Variants in PCDH15 observed in about 807,000 individuals in gnomAD.
PCDH15 encodes the protein protocadherin related 15, also known as protocadherin-15.
A neutral mutation model predicts 178.5 loss-of-function variants in PCDH15; 129 were observed. The ratio of observed to expected loss-of-function variants is 0.72; its 90% CI spans 0.63 to 0.84. The LOEUF is 0.84. PCDH15 is among the 40% of genes least tolerant of loss of function. PCDH15 has a pLI of 0.00. For missense variants in PCDH15, 2,230 were observed against 2,099.9 expected, an observed-to-expected ratio of 1.06 and a Z score of -1.21; for synonymous variants, 800 against 732.0, an observed-to-expected ratio of 1.09 and a Z score of -1.50.
At chr10:54,103,520 G>A (rs2094850829) in intron 15 of PCDH15, among the ~76,000 whole-genome samples, 1 of 152,278 alleles carries the variant, frequency 6.6e-6, no homozygotes, top group African/African-American at 2.4e-5. Context: ...AGATGCAGGT[G>A]CTGCCCTCAT....
At chr10:53,916,214 G>GT (rs1259949785) in intron 25 of PCDH15, among the ~76,000 whole-genome samples, 1 of 152,062 alleles carries the variant, frequency 6.6e-6, no homozygotes, top group Non-Finnish European at 1.5e-5. Context: ...TCCATCTCTG[G>GT]TTGTCTGGAT....
chr10:55,608,718 A>T (rs567822021), intron 2 of PCDH15, among the ~76,000 whole-genome samples: 1 of 152,016 alleles, frequency 6.6e-6, no homozygotes, highest in African/African-American at 2.4e-5. Flanking sequence ...TCCCTGATCG[A>T]CTAAAACTGA....
At chr10:53,834,130 T>C (rs988329251) in intron 29 of PCDH15, among the ~76,000 whole-genome samples, 1 of 152,046 alleles carries the variant, frequency 6.6e-6, no homozygotes, top group Non-Finnish European at 1.5e-5. Context: ...CAGAAGAGGG[T>C]TGACTGCTAT....
intron 1 of PCDH15, among the ~76,000 whole-genome samples, chr10:54,678,879 T>C (rs933654460): frequency 7.2e-5 from 11 of 152,214 alleles, no homozygotes; most frequent in African/African-American, 2.4e-4. Context: ...AACACTTATG[T>C]AATCAATGTG....
intron 1 of PCDH15, among the ~76,000 whole-genome samples, chr10:54,751,944 C>T (rs1946287255): frequency 6.6e-6 from 1 of 152,068 alleles, no homozygotes; most frequent in African/African-American, 2.4e-5. Flanking sequence ...TTACCTACTA[C>T]AAATAAATCT....
Position 54,025,219 on chromosome 10 carries a change from G to C in PCDH15, c.2221-2022C>G, listed in dbSNP as rs539513967. Among the ~76,000 whole-genome samples, 145 of 152,112 alleles carry C rather than the reference G, an allele frequency of 9.5e-4. No individual in the cohort carries two copies. In the Middle Eastern group the frequency reaches 0.027, roughly 29 times the overall value. ...ACATATCTAAATTAGTTTTGTTTTTGCTCCCATAGCAAATTATCACAAATT... is the reference window on the plus strand; with the variant it reads ...ACATATCTAAATTAGTTTTGTTTTTCCTCCCATAGCAAATTATCACAAATT... On this transcript the variant is annotated intron_variant, in intron 18 of 37. Coordinates refer to ENST00000644397, the MANE Select transcript of PCDH15 (RefSeq NM_001384140.1).
At chr10:54,701,832 T>A (rs947453816) in intron 1 of PCDH15, among the ~76,000 whole-genome samples, 1 of 152,082 alleles carries the variant, frequency 6.6e-6, no homozygotes, top group Non-Finnish European at 1.5e-5. Flanking sequence ...ACAAAGAGAC[T>A]TAGATAACCA....
At chr10:54,879,182 T>G (rs868628081) in intron 3 of PCDH15, among the ~76,000 whole-genome samples, 1 of 149,034 alleles carries the variant, frequency 6.7e-6, no homozygotes, top group Non-Finnish European at 1.5e-5. Context: ...CACGTGCTGT[T>G]TGTGTGTGTG....
intron 2 of PCDH15, among the ~76,000 whole-genome samples, chr10:55,466,387 ATAT>A (rs1226836655): frequency 1.3e-5 from 2 of 152,194 alleles, no homozygotes; most frequent in Non-Finnish European, 2.9e-5. Flanking sequence ...GGTAGCAGAA[ATAT>A]TATGTGATGA....
chr10:54,647,008 A>T (rs963328590), intron 2 of PCDH15, among the ~76,000 whole-genome samples: 9 of 152,040 alleles, frequency 5.9e-5, no homozygotes, highest in Non-Finnish European at 1.0e-4. Context: ...AAATAACTGA[A>T]ATCAGGATCT....
At chr10:54,392,593 A>G (rs1482088812) in intron 3 of PCDH15, among the ~76,000 whole-genome samples, 4 of 150,310 alleles carry the variant, frequency 2.7e-5, no homozygotes, top group Non-Finnish European at 5.9e-5. Context: ...ATAATTCTAT[A>G]TTTTGCTCCA....
intron 1 of PCDH15, among the ~76,000 whole-genome samples, chr10:55,191,695 G>A (rs1306028841): frequency 6.6e-6 from 1 of 151,848 alleles, no homozygotes; most frequent in African/African-American, 2.4e-5. Flanking sequence ...TTAATTTTAT[G>A]AAGGTTCATT....
chr10:54,720,071 T>G (rs1214629130), intron 1 of PCDH15, among the ~76,000 whole-genome samples: 1 of 151,970 alleles, frequency 6.6e-6, no homozygotes, highest in Non-Finnish European at 1.5e-5. Flanking sequence ...TGTGGAGAAA[T>G]AGGAAAGCTT....
At chr10:55,391,611 T>A (rs2132014149) in intron 2 of PCDH15, among the ~76,000 whole-genome samples, 1 of 152,020 alleles carries the variant, frequency 6.6e-6, no homozygotes, top group African/African-American at 2.4e-5. Flanking sequence ...CTCAGCCTCC[T>A]GAGTAGTGGG....
At chr10:55,528,374 C>T (rs1344867047) in intron 2 of PCDH15, among the ~76,000 whole-genome samples, 4 of 151,888 alleles carry the variant, frequency 2.6e-5, no homozygotes, top group Admixed American at 6.6e-5. Context: ...TATCCCTCAC[C>T]CCTCTCCACA....
At chr10:54,743,086 A>T (rs11004533) in intron 1 of PCDH15, among the ~76,000 whole-genome samples, 19,084 of 152,084 alleles carry the variant, frequency 0.13, 1,355 homozygotes, top group African/African-American at 0.18. Flanking sequence ...GTGAGTAACC[A>T]GCAGAAAAGT....
chr10:54,289,271 C>G (rs2059238755), intron 8 of PCDH15, among the ~76,000 whole-genome samples: 1 of 152,188 alleles, frequency 6.6e-6, no homozygotes, highest in African/African-American at 2.4e-5. Context: ...AGACCTGCAG[C>G]TGAGGGACCT....
intron 2 of PCDH15, among the ~76,000 whole-genome samples, chr10:55,028,410 A>G (rs913310299): frequency 6.6e-6 from 1 of 151,976 alleles, no homozygotes; most frequent in African/African-American, 2.4e-5. Context: ...AACTAAAATC[A>G]AACAGACAAA....
At chr10:55,483,632 T>C (rs970644537) in intron 2 of PCDH15, among the ~76,000 whole-genome samples, 16 of 151,638 alleles carry the variant, frequency 1.1e-4, no homozygotes, top group African/African-American at 3.6e-4. Flanking sequence ...TTACCACATA[T>C]ATACCCAAAG....
Sources: allele counts gnomAD v4.1 joint callset (sites outside exome capture counted in the v4.1 genomes callset), GRCh38; gene constraint gnomAD v4.1.1; transcripts MANE v1.5; gene names NCBI Gene and HGNC (gene_info 2026-07-23, HGNC 2026-07-21).